The following MAML3 variants were observed in gnomAD, a reference collection of about 807,000 sequenced individuals.
MAML3 encodes the protein mastermind-like protein 3.
In MAML3, 27 loss-of-function variants were observed where a neutral mutation model predicts 101.9. The ratio of observed to expected loss-of-function variants is 0.27; its 90% CI spans 0.20 to 0.37. MAML3 has a LOEUF of 0.37. Among genes scored for constraint, MAML3 ranks in the 10% least tolerant of loss-of-function variants. The pLI, the probability that MAML3 is intolerant of heterozygous loss-of-function variation, is 1.00. For synonymous variants in MAML3, 501 were observed against 555.9 expected, an observed-to-expected ratio of 0.90 and a Z score of 1.39; for missense variants, 1,316 against 1,444.9, an observed-to-expected ratio of 0.91 and a Z score of 1.45.
chr4:139,882,835 C>T (rs1000895211), intron 2 of MAML3, among the ~76,000 whole-genome samples: 4 of 152,106 alleles, frequency 2.6e-5, no homozygotes, highest in Non-Finnish European at 4.4e-5. Flanking sequence ...GGCGATGGAG[C>T]GAGACTCTGT....
chr4:139,930,897 T>A (rs1733378623), intron 1 of MAML3, among the ~76,000 whole-genome samples: 1 of 152,100 alleles, frequency 6.6e-6, no homozygotes, highest in Non-Finnish European at 1.5e-5. Context: ...GTCATTGCTA[T>A]AGGCATTTCA....
intron 1 of MAML3, among the ~76,000 whole-genome samples, chr4:139,910,302 C>A (rs1732894671): frequency 6.6e-6 from 1 of 152,170 alleles, no homozygotes; most frequent in Admixed American, 6.5e-5. Flanking sequence ...GTTTAATAAA[C>A]CCTCCAGATG....
chr4:139,834,155 G>C (rs757232747), intron 2 of MAML3, among the ~76,000 whole-genome samples: 1 of 152,232 alleles, frequency 6.6e-6, no homozygotes, highest in African/African-American at 2.4e-5. Context: ...TCAATCCAGC[G>C]TGGGTTTTAA....
At chr4:139,945,473 T>G (rs992219821) in intron 1 of MAML3, among the ~76,000 whole-genome samples, 1 of 152,200 alleles carries the variant, frequency 6.6e-6, no homozygotes, top group Non-Finnish European at 1.5e-5. Flanking sequence ...TGCCAATACC[T>G]CTTTTCAAAT....
intron 2 of MAML3, among the ~76,000 whole-genome samples, chr4:139,875,208 T>C (rs1732087962): frequency 6.6e-6 from 1 of 152,066 alleles, no homozygotes; most frequent in African/African-American, 2.4e-5. Flanking sequence ...TGAAGATCTG[T>C]TGTGGCTTCA....
intron 1 of MAML3, among the ~76,000 whole-genome samples, chr4:140,062,313 C>A (rs1429287605): frequency 6.6e-6 from 1 of 152,144 alleles, no homozygotes; most frequent in Non-Finnish European, 1.5e-5. Flanking sequence ...CAGTGGTGAA[C>A]TGTCTCCCAC....
chr4:140,101,905 A>G (rs1196672430), intron 1 of MAML3, among the ~76,000 whole-genome samples: 1 of 151,336 alleles, frequency 6.6e-6, no homozygotes, highest in African/African-American at 2.4e-5. Context: ...TTTCTAGCCA[A>G]TAGAACAACA....
intron 2 of MAML3, among the ~76,000 whole-genome samples, chr4:139,833,259 CA>C (rs1483399560): frequency 1.4e-5 from 2 of 147,958 alleles, no homozygotes; most frequent in Admixed American, 1.3e-4. Context: ...CAGAGAAAGA[CA>C]GGGGGAGGGG....
chr4:139,910,057 A>G (rs1326084000), intron 1 of MAML3, among the ~76,000 whole-genome samples: 3 of 152,188 alleles, frequency 2.0e-5, no homozygotes, highest in Non-Finnish European at 1.5e-5. Context: ...AAGTAGGACA[A>G]AACAAAGAAG....
At chr4:139,914,601 A>G (rs1732994970) in intron 1 of MAML3, among the ~76,000 whole-genome samples, 2 of 152,232 alleles carry the variant, frequency 1.3e-5, no homozygotes, top group Non-Finnish European at 2.9e-5. Context: ...AATGGCAAGG[A>G]AAGAAAAGAA....
intron 1 of MAML3, among the ~76,000 whole-genome samples, chr4:140,062,414 G>A (rs891664114): frequency 1.3e-5 from 2 of 152,074 alleles, no homozygotes; most frequent in African/African-American, 4.8e-5. Flanking sequence ...TATTAAATCA[G>A]ATATTCTTGG....
chr4:139,930,761 C>T (rs1305998644), intron 1 of MAML3, among the ~76,000 whole-genome samples: 2 of 152,036 alleles, frequency 1.3e-5, no homozygotes, highest in African/African-American at 4.8e-5. Flanking sequence ...TGAGGAGTAA[C>T]GTGACACTAG....
intron 1 of MAML3, among the ~76,000 whole-genome samples, chr4:140,106,198 T>C (rs1430871122): frequency 1.3e-5 from 2 of 151,766 alleles, no homozygotes; most frequent in Non-Finnish European, 2.9e-5. Flanking sequence ...TAATTTTCCA[T>C]TTCCTGTTTT....
At chr4:139,803,575 T>C (rs1410790602) in intron 2 of MAML3, among the ~76,000 whole-genome samples, 1 of 152,168 alleles carries the variant, frequency 6.6e-6, no homozygotes, top group Non-Finnish European at 1.5e-5. Context: ...AGCCTGGCTC[T>C]GGTGAAGGAT....
intron 1 of MAML3, among the ~76,000 whole-genome samples, chr4:140,067,389 G>A (rs949218411): frequency 1.3e-5 from 2 of 152,184 alleles, no homozygotes; most frequent in South Asian, 4.1e-4. Flanking sequence ...TTCTAGAGAA[G>A]TGCTTGGGAT....
intron 2 of MAML3, among the ~76,000 whole-genome samples, chr4:139,839,543 A>G (rs559801407): frequency 6.6e-6 from 1 of 151,068 alleles, no homozygotes; most frequent in South Asian, 2.1e-4. Flanking sequence ...GAATCAACTT[A>G]GGGAGCAGAT....
At chr4:139,862,611 TG>T (rs141152311) in intron 2 of MAML3, among the ~76,000 whole-genome samples, 2,725 of 152,356 alleles carry the variant, frequency 0.018, 42 homozygotes, top group Middle Eastern at 0.061. Flanking sequence ...AGACATGTGC[TG>T]GGTAAGAGTG....
intron 1 of MAML3, among the ~76,000 whole-genome samples, chr4:140,054,251 C>A (rs1447301272): frequency 6.6e-6 from 1 of 151,642 alleles, no homozygotes; most frequent in Admixed American, 6.6e-5. Flanking sequence ...TGCCTGTAAT[C>A]CCAGCTACCC....
At chr4:139,971,228 A>C (rs1734230121) in intron 1 of MAML3, among the ~76,000 whole-genome samples, 1 of 152,146 alleles carries the variant, frequency 6.6e-6, no homozygotes, top group Non-Finnish European at 1.5e-5. Context: ...GGGCTACCTA[A>C]ACTGCACTGC....
Sources: gnomAD v4.1 joint callset for allele counts (sites outside exome capture counted in the v4.1 genomes callset) on GRCh38, gnomAD v4.1.1 for gene constraint, MANE v1.5 for transcripts, NCBI Gene and HGNC (gene_info 2026-07-23, HGNC 2026-07-21) for gene names.